The following PCDH10 variants were observed in gnomAD, a reference collection of about 807,000 sequenced individuals.
PCDH10 encodes the protein protocadherin 10, also known as protocadherin-10.
Under a neutral mutation model 74.4 loss-of-function variants are expected in PCDH10, and 15 were observed. The observed-to-expected ratio is 0.20, with a 90% CI of 0.13 to 0.31. The LOEUF (loss-of-function observed/expected upper bound fraction) is 0.31. PCDH10 is among the 10% of genes least tolerant of loss of function. The probability of loss-of-function intolerance (pLI) is 1.00; values close to 1 mark genes in which losing one functional copy is unlikely to be tolerated. For synonymous variants in PCDH10, 619 were observed against 589.8 expected (o/e 1.05, Z -0.72); for missense variants, 1,260 against 1,390.2 (o/e 0.91, Z 1.49).
At chr4:133,167,798 A>G (rs996253530) in intron 4 of PCDH10, among the ~76,000 whole-genome samples, 5 of 151,340 alleles carry the variant, frequency 3.3e-5, no homozygotes, top group Non-Finnish European at 5.9e-5. Context: ...ATGGCCTTAG[A>G]AATATACTAG....
In PCDH10 at chr4:133,150,177, G is replaced by A. The variant is rs754749638; in HGVS notation, c.37G>A (p.Val13Met). The A allele has an allele frequency of 1.3e-6, 2 of 1,595,434 alleles. No individual in the cohort carries two copies. The highest frequency in any genetic ancestry group is 3.5e-5 in the Admixed American group (2 of 56,920). ...VLLLFALLWMVEGVFSQLHYT... is the reference protein window; with the variant it reads ...VLLLFALLWMMEGVFSQLHYT... Reference sequence around the variant, plus strand: ...ATTATTGTTTGCCTTGCTCTGGATGGTGGAAGGAGTCTTTTCCCAGCTTCA... The same window carrying A: ...ATTATTGTTTGCCTTGCTCTGGATGATGGAAGGAGTCTTTTCCCAGCTTCA... The change falls in exon 1 of 5, where the codon GTG becomes ATG. Residue 13 changes from valine (V) to methionine (M), a missense_variant. Val to Met is a conservative substitution (Grantham distance 21). Transcript: ENST00000264360.
At chr4:133,205,879 A>G (rs1359764883) in intron 2 of PCDH10, among the ~76,000 whole-genome samples, 1 of 152,000 alleles carries the variant, frequency 6.6e-6, no homozygotes, top group African/African-American at 2.4e-5. Context: ...AATTTTATCC[A>G]ATATATTGAT....
At position 133,149,650 on chromosome 4, in the gene PCDH10, A is replaced by C. The variant is rs1726598076; in HGVS notation, c.-491A>C. On this transcript the variant is annotated 5_prime_UTR_variant, in exon 1 of 5. Coordinates refer to ENST00000264360, the MANE Select transcript of PCDH10 (RefSeq NM_032961.3). Reference sequence around the variant, plus strand: ...TTGCATTTGCCAGCCGTTGACATTAAGAGGCATGTTTAACGGTGCCAACAG... The same window carrying C: ...TTGCATTTGCCAGCCGTTGACATTACGAGGCATGTTTAACGGTGCCAACAG... 1 of 154,330 alleles carries C rather than the reference A, an allele frequency of 6.5e-6. No individual in the cohort carries two copies. Among genetic ancestry groups the C allele is most frequent in the Non-Finnish European group, 1.4e-5 (1 of 69,204 alleles). The allele number at this position is 154,330 out of a possible 1,614,324, so 9.6% of individuals were successfully genotyped here. A position where few individuals can be genotyped will look rare whatever the true frequency, so the allele number is the denominator to read the frequency against.
intron 4 of PCDH10, among the ~76,000 whole-genome samples, chr4:133,184,814 A>G (rs1233772454): frequency 2.8e-5 from 4 of 144,258 alleles, no homozygotes; most frequent in African/African-American, 7.6e-5. Flanking sequence ...ATATATTTAT[A>G]TATTTACACA....
chr4:133,154,396 G>C (rs537036213), intron 2 of PCDH10, 31 bp downstream of exon 2: 143 of 1,372,518 alleles, frequency 1.0e-4, no homozygotes, highest in Non-Finnish European at 1.3e-4. Flanking sequence ...TAGCAGTAAT[G>C]GACAATTTAC....
chr4:133,181,345 T>C (rs931627252), intron 4 of PCDH10, among the ~76,000 whole-genome samples: 1 of 152,154 alleles, frequency 6.6e-6, no homozygotes, highest in Non-Finnish European at 1.5e-5. Flanking sequence ...GATGGAAATA[T>C]ATAGATAACT....
At chr4:133,196,882 A>G (rs77810146), downstream of PCDH10, among the ~76,000 whole-genome samples, 571 of 152,318 alleles carry the variant, frequency 3.7e-3, 2 homozygotes, top group South Asian at 0.014. Flanking sequence ...ACTTTTTTCA[A>G]CATTTAACCA....
chr4:133,195,095 G>T (rs1206009570), downstream of PCDH10, among the ~76,000 whole-genome samples: 3 of 151,892 alleles, frequency 2.0e-5, no homozygotes, highest in Non-Finnish European at 2.9e-5. Context: ...ATCCGTATGG[G>T]TATCATCTTC....
chr4:133,166,197 G>C (rs1727077232), intron 4 of PCDH10, among the ~76,000 whole-genome samples: 1 of 151,294 alleles, frequency 6.6e-6, no homozygotes, highest in Non-Finnish European at 1.5e-5. Flanking sequence ...ATTTAAACAG[G>C]TAGAACATGG....
At chr4:133,161,920 C>T (rs996129778) in intron 3 of PCDH10, among the ~76,000 whole-genome samples, 6 of 151,866 alleles carry the variant, frequency 4.0e-5, no homozygotes, top group Non-Finnish European at 8.8e-5. Flanking sequence ...CATTAAAATG[C>T]TATTTTTGTT....
chr4:133,193,270 A>G lies in PCDH10; in HGVS notation c.*3110A>G, dbSNP rs1420301416. On this transcript the variant is annotated 3_prime_UTR_variant, in exon 5 of 5. Transcript: ENST00000264360. ...TCACAGATATAATAGCGTCAATGAT[A>G]TATGTATCATCTTTTCTTGGCAAAT... 3 of 151,720 alleles carry G rather than the reference A, an allele frequency of 2.0e-5. No individual in the cohort carries two copies. The highest frequency in any genetic ancestry group is 4.8e-5 in the African/African-American group (2 of 41,430). 9.4% of individuals were successfully genotyped at this position (151,720 alleles called of 1,614,324 possible). A position where few individuals can be genotyped will look rare whatever the true frequency, so the allele number is the denominator to read the frequency against.
chr4:133,166,075 T>A (rs1727074517), intron 4 of PCDH10, among the ~76,000 whole-genome samples: 1 of 151,668 alleles, frequency 6.6e-6, no homozygotes, highest in Non-Finnish European at 1.5e-5. Context: ...CAATACTTGC[T>A]GAGTTATTCA....
In PCDH10 at chr4:133,152,555, G is replaced by A; in HGVS notation, c.2415G>A (p.Glu805=). The A allele has an allele frequency of 1.9e-6, 3 of 1,614,174 alleles. No individual in the cohort carries two copies. Among genetic ancestry groups the A allele is most frequent in the Non-Finnish European group, 2.5e-6 (3 of 1,180,038 alleles). ...GTAACCCGGCCCAGGTGCCGATAGA[G>A]GAGTCCGGGGGCTTTGGCTCCCACC... ...VPSNPAQVPI[E]ESGGFGSHHH... Residue 805 remains glutamate (E), a synonymous_variant, in exon 1 of 5, where the codon GAG becomes GAA. Transcript: ENST00000264360.
chr4:133,150,934 C>T lies in PCDH10; in HGVS notation c.794C>T (p.Pro265Leu). ...YTVSLPENSP[P>L]GTLVIQLNAT... ...GTGTCCCTACCAGAGAACTCTCCCC[C>T]AGGCACTCTCGTGATCCAGCTCAAC... Residue 265 changes from proline (P) to leucine (L), a missense_variant, in exon 1 of 5, where the codon CCA (proline) becomes CTA (leucine). Pro to Leu is a moderately conservative substitution (Grantham distance 98). Coordinates refer to ENST00000264360, the MANE Select transcript of PCDH10 (RefSeq NM_032961.3). 1 of 1,613,966 alleles carries T rather than the reference C, an allele frequency of 6.2e-7. No individual in the cohort carries two copies. The highest frequency in any genetic ancestry group is 8.5e-7 in the Non-Finnish European group (1 of 1,180,044).
intron 4 of PCDH10, among the ~76,000 whole-genome samples, chr4:133,181,609 G>A (rs1462599121): frequency 6.6e-6 from 1 of 151,810 alleles, no homozygotes; most frequent in Admixed American, 6.6e-5. Flanking sequence ...CCAACTCAAG[G>A]GGTTATCAGA....
chr4:133,192,992 G>A lies in PCDH10; in HGVS notation c.*2832G>A, dbSNP rs193238142. 174 of 150,012 alleles carry A rather than the reference G, an allele frequency of 1.2e-3. 1 individual carries two copies. The highest frequency in any genetic ancestry group is 4.2e-3 in the African/African-American group (170 of 40,428). The allele number at this position is 150,012 out of a possible 1,614,324, so 9.3% of individuals were successfully genotyped here. A position where few individuals can be genotyped will look rare whatever the true frequency, so the allele number is the denominator to read the frequency against. On this transcript the variant is annotated 3_prime_UTR_variant, in exon 5 of 5. Coordinates refer to ENST00000264360, the MANE Select transcript of PCDH10 (RefSeq NM_032961.3). ...TCAAAGAATAATATCCATCGTATTA[G>A]ACAGTATTTCGTCAATAAATTATTT...
At chr4:133,175,743 G>C (rs1326452619) in intron 4 of PCDH10, among the ~76,000 whole-genome samples, 1 of 151,970 alleles carries the variant, frequency 6.6e-6, no homozygotes, top group Admixed American at 6.6e-5. Context: ...AAAATACTCC[G>C]ATCAGGTTAT....
intron 2 of PCDH10, among the ~76,000 whole-genome samples, chr4:133,203,140 A>T (rs1025924186): frequency 1.3e-5 from 2 of 152,084 alleles, no homozygotes; most frequent in African/African-American, 4.8e-5. Context: ...TGTGGCCAAA[A>T]ATTGCCACTG....
chr4:133,158,365 T>C (rs1726905321), intron 3 of PCDH10, among the ~76,000 whole-genome samples: 1 of 152,114 alleles, frequency 6.6e-6, no homozygotes, highest in South Asian at 2.1e-4. Flanking sequence ...AGCTTAATTA[T>C]AGATTTATTT....
Sources: allele counts gnomAD v4.1 joint callset (sites outside exome capture counted in the v4.1 genomes callset), GRCh38; gene constraint gnomAD v4.1.1; transcripts MANE v1.5; gene names NCBI Gene and HGNC (gene_info 2026-07-23, HGNC 2026-07-21).